The following EYS variants were observed in gnomAD, a reference collection of about 807,000 sequenced individuals.
The protein encoded by EYS is protein eyes shut homolog.
Under a neutral mutation model 282.1 loss-of-function variants are expected in EYS, and 250 were observed. The ratio of observed to expected loss-of-function variants is 0.89; its 90% confidence interval spans 0.80 to 0.98. The LOEUF is 0.98. Ranked by LOEUF, EYS falls within the 50% of genes least tolerant of loss-of-function variation. EYS has a pLI of 0.00. For missense variants in EYS, 4,016 were observed against 3,709.0 expected (o/e 1.08, Z -2.15); for synonymous variants, 1,355 against 1,282.9 (o/e 1.06, Z -1.20).
intron 2 of EYS, among the ~76,000 whole-genome samples, chr6:65,542,681 G>A (rs1458371620): frequency 6.6e-6 from 1 of 151,932 alleles, no homozygotes; most frequent in Non-Finnish European, 1.5e-5. Context: ...TTAAGGGATG[G>A]CTCAAAGATG....
intron 22 of EYS, among the ~76,000 whole-genome samples, chr6:64,813,072 A>T (rs1764644243): frequency 6.6e-6 from 1 of 151,982 alleles, no homozygotes; most frequent in African/African-American, 2.4e-5. Context: ...TTCATTTGGT[A>T]TAAAATATTT....
intron 28 of EYS, among the ~76,000 whole-genome samples, chr6:64,416,582 CTT>C (rs1221325585): frequency 6.7e-6 from 1 of 149,296 alleles, no homozygotes; most frequent in Non-Finnish European, 1.5e-5. Flanking sequence ...TTTATTCACA[CTT>C]AATTCATTCA....
chr6:64,848,737 A>G (rs981810043), intron 19 of EYS, among the ~76,000 whole-genome samples: 2 of 152,082 alleles, frequency 1.3e-5, no homozygotes, highest in African/African-American at 4.8e-5. Flanking sequence ...GGAGAGAATG[A>G]TAAATTTAGA....
chr6:64,674,887 A>G (rs9360025), intron 22 of EYS, among the ~76,000 whole-genome samples: 3,150 of 152,190 alleles, frequency 0.021, 75 homozygotes, highest in East Asian at 0.11. Context: ...AACGCTTGAA[A>G]ACTTTTGCCA....
At chr6:64,938,311 G>A (rs1269064887) in intron 15 of EYS, among the ~76,000 whole-genome samples, 1 of 151,268 alleles carries the variant, frequency 6.6e-6, no homozygotes, top group Non-Finnish European at 1.5e-5. Context: ...TCTAAAAATA[G>A]ATGAATATAG....
At chr6:64,141,256 T>C (rs4401640) in intron 31 of EYS, among the ~76,000 whole-genome samples, 56,776 of 152,014 alleles carry the variant, frequency 0.37, 10,874 homozygotes, top group East Asian at 0.52. Context: ...TCTTTAAAAA[T>C]ATTTTAGACA....
chr6:64,570,871 C>A (rs995377620), intron 26 of EYS, among the ~76,000 whole-genome samples: 2 of 151,790 alleles, frequency 1.3e-5, no homozygotes, highest in Non-Finnish European at 2.9e-5. Flanking sequence ...ATTAGATCAA[C>A]AAGACAGAAA....
At chr6:64,193,334 G>C (rs951038795) in intron 31 of EYS, among the ~76,000 whole-genome samples, 1 of 150,604 alleles carries the variant, frequency 6.6e-6, no homozygotes, top group Non-Finnish European at 1.5e-5. Flanking sequence ...TTTTGGAAAC[G>C]GAGTCTCCCT....
intron 32 of EYS, among the ~76,000 whole-genome samples, chr6:64,076,993 A>T (rs938327780): frequency 7.9e-5 from 12 of 152,096 alleles, no homozygotes; most frequent in Admixed American, 5.9e-4. Context: ...TGCCCAAAGA[A>T]AGCTATGCAC....
At chr6:65,517,076 C>A (rs1767163242) in intron 2 of EYS, among the ~76,000 whole-genome samples, 2 of 151,850 alleles carry the variant, frequency 1.3e-5, no homozygotes, top group African/African-American at 2.4e-5. Context: ...GCAAATAATT[C>A]TTAGCCTCAG....
chr6:64,126,955 C>T (rs760624141), intron 31 of EYS, among the ~76,000 whole-genome samples: 5 of 152,066 alleles, frequency 3.3e-5, no homozygotes, highest in Non-Finnish European at 7.4e-5. Flanking sequence ...AAGACATAGA[C>T]TCTGTAGCAT....
intron 29 of EYS, among the ~76,000 whole-genome samples, chr6:64,337,946 C>A (rs763115720): frequency 1.8e-4 from 27 of 151,940 alleles, no homozygotes; most frequent in Admixed American, 3.3e-4. Context: ...ATGATTAAAA[C>A]TATCAGCAAA....
intron 24 of EYS, among the ~76,000 whole-genome samples, chr6:64,613,344 C>G (rs1767170699): frequency 6.6e-6 from 1 of 151,862 alleles, no homozygotes; most frequent in South Asian, 2.1e-4. Flanking sequence ...AAAGAAAATC[C>G]ATTCATGTTT....
intron 2 of EYS, among the ~76,000 whole-genome samples, chr6:65,638,673 G>A (rs940017685): frequency 1.3e-5 from 2 of 152,354 alleles, no homozygotes; most frequent in African/African-American, 2.4e-5. Context: ...TGCCCACCGC[G>A]CTGCAGCAGC....
chr6:64,495,531 A>C (rs116306575), intron 26 of EYS, among the ~76,000 whole-genome samples: 2,476 of 151,910 alleles, frequency 0.016, 23 homozygotes, highest in South Asian at 0.035. Context: ...CCAATAGAAA[A>C]AAACTTAATG....
intron 1 of EYS, among the ~76,000 whole-genome samples, chr6:65,651,418 T>C (rs1767646712): frequency 6.6e-6 from 1 of 152,220 alleles, no homozygotes; most frequent in East Asian, 1.9e-4. Context: ...TTTATATTAA[T>C]TCAATAGTGT....
chr6:64,011,980 A>C (rs1168115814), intron 33 of EYS, among the ~76,000 whole-genome samples: 1 of 147,982 alleles, frequency 6.8e-6, no homozygotes, highest in Non-Finnish European at 1.5e-5. Flanking sequence ...TAACATTGCT[A>C]ATAAGTTTTT....
At chr6:64,246,578 A>G (rs752538415) in intron 30 of EYS, among the ~76,000 whole-genome samples, 1 of 152,206 alleles carries the variant, frequency 6.6e-6, no homozygotes, top group African/African-American at 2.4e-5. Context: ...TTTGTACCAT[A>G]GAACACTTAA....
intron 1 of EYS, among the ~76,000 whole-genome samples, chr6:65,689,075 G>A (rs1010905218): frequency 2.0e-5 from 3 of 150,274 alleles, no homozygotes; most frequent in Non-Finnish European, 4.4e-5. Flanking sequence ...ACATGTGCAT[G>A]TATGTTTATT....
Sources: gnomAD v4.1 joint callset for allele counts (sites outside exome capture counted in the v4.1 genomes callset) on GRCh38, gnomAD v4.1.1 for gene constraint, MANE v1.5 for transcripts, NCBI Gene and HGNC (gene_info 2026-07-23, HGNC 2026-07-21) for gene names.